C17orf50: variants seen among roughly 807,000 people sequenced by gnomAD.
The protein encoded by C17orf50 is plakoglobin binding and degradation factor, also known as uncharacterized protein C17orf50.
Under a neutral mutation model 17.7 loss-of-function variants are expected in C17orf50, and 16 were observed. The observed-to-expected ratio is 0.90, with a 90% confidence interval of 0.61 to 1.37. The LOEUF (loss-of-function observed/expected upper bound fraction) is 1.37, where lower values mean the gene tolerates loss of function less well. Among genes scored for constraint, C17orf50 ranks in the 40% most tolerant of loss-of-function variants. The pLI is 0.00. For missense variants in C17orf50, 271 were observed against 240.7 expected, an observed-to-expected ratio of 1.13 and a Z score of -0.83; for synonymous variants, 125 against 111.0, an observed-to-expected ratio of 1.13 and a Z score of -0.80.
chr17:35,761,041 A>C, intron 1 of C17orf50, 87 bp downstream of exon 1: 1 of 1,434,624 alleles, frequency 7.0e-7, no homozygotes, highest in Non-Finnish European at 9.3e-7. Flanking sequence ...CATGAAGTCC[A>C]ACCTTTTCTC....
chr17:35,761,794 C>T (rs1299741493), intron 1 of C17orf50, among the ~76,000 whole-genome samples: 1 of 152,170 alleles, frequency 6.6e-6, no homozygotes, highest in East Asian at 1.9e-4. Flanking sequence ...CATAGCGCAG[C>T]ACTCAATGTC....
chr17:35,761,078 C>T, intron 1 of C17orf50, 124 bp downstream of exon 1: 1 of 1,073,004 alleles, frequency 9.3e-7, no homozygotes, highest in Non-Finnish European at 1.3e-6. Flanking sequence ...AGCTGCAAGC[C>T]CTCTCCTTTC....
Position 35,764,187 on chromosome 17 carries a change from G to T in C17orf50, c.194G>T (p.Arg65Leu), listed in dbSNP as rs2085885080. ...RVAEEGEGRE[R>L]RSVSYCPLRQ... is the part of the protein sequence containing the mutation. The stretch of plus-strand genomic sequence containing the variant: ...GCGGAGGAGGGCGAAGGCCGCGAGC[G>T]GCGCTCAGTGTCCTACTGCCCGCTG... The change falls in exon 2 of 3, where the codon CGG (arginine) becomes CTG (leucine). Residue 65 changes from arginine to leucine, a missense_variant. Transcript: ENST00000605587. The T allele has an allele frequency of 6.5e-7, 1 of 1,548,124 alleles. No homozygotes were observed. Among genetic ancestry groups the T allele is most frequent in the African/African-American group, 1.4e-5 (1 of 73,082 alleles).
At chr17:35,762,056 T>C (rs1454557109) in intron 1 of C17orf50, among the ~76,000 whole-genome samples, 1 of 152,174 alleles carries the variant, frequency 6.6e-6, no homozygotes, top group Non-Finnish European at 1.5e-5. Flanking sequence ...AGTGGCGTGA[T>C]CTCGGTAAAC....
chr17:35,764,767 A>C lies in C17orf50; in HGVS notation c.*149A>C, dbSNP rs1555602517. The stretch of plus-strand genomic sequence containing the variant: ...CTGCCCAGAGCGCCCCCATCCGTCA[A>C]GAAGGCCCACTGTTGGTGCTTGGTT... On this transcript the variant is annotated 3_prime_UTR_variant, in exon 3 of 3. Coordinates refer to ENST00000605587, the MANE Select transcript of C17orf50 (RefSeq NM_145272.4). 1 of 846,084 alleles carries C rather than the reference A, an allele frequency of 1.2e-6. No homozygotes were observed. The highest frequency in any genetic ancestry group is 1.7e-6 in the Non-Finnish European group (1 of 584,948). 52.4% of individuals were successfully genotyped at this position (846,084 alleles called of 1,614,324 possible).
At position 35,764,686 on chromosome 17, in the gene C17orf50, T is replaced by G; in HGVS notation, c.*68T>G. 1 of 1,468,942 alleles carries G rather than the reference T, an allele frequency of 6.8e-7. No individual in the cohort carries two copies. Among genetic ancestry groups the G allele is most frequent in the Admixed American group, 2.9e-5 (1 of 35,058 alleles). 91.0% of individuals were successfully genotyped at this position (1,468,942 alleles called of 1,614,324 possible). On this transcript the variant is annotated 3_prime_UTR_variant, in exon 3 of 3. Transcript: ENST00000605587. ...CCCCAGACCCCCTACCGACCTTCTC[T>G]CTTGGAGCGCGGAGCCCTCTTCGAC...
intron 1 of C17orf50, among the ~76,000 whole-genome samples, chr17:35,761,563 G>A (rs1188161146): frequency 6.6e-6 from 1 of 152,104 alleles, no homozygotes; most frequent in East Asian, 1.9e-4. Context: ...ACAGGTGTGA[G>A]CCACCACATC....
intron 1 of C17orf50, among the ~76,000 whole-genome samples, chr17:35,762,945 A>G (rs1442913864): frequency 6.6e-6 from 1 of 152,042 alleles, no homozygotes; most frequent in African/African-American, 2.4e-5. Context: ...ACATGGTGAA[A>G]CCTGGTCTCT....
At position 35,764,671 on chromosome 17, in the gene C17orf50, C is replaced by G; in HGVS notation, c.*53C>G. 15 of 1,502,298 alleles carry G rather than the reference C, an allele frequency of 1.0e-5. No individual in the cohort carries two copies. The highest frequency in any genetic ancestry group is 2.6e-5 in the Admixed American group (1 of 38,644). 93.1% of individuals were successfully genotyped at this position (1,502,298 alleles called of 1,614,324 possible). The stretch of plus-strand genomic sequence containing the variant: ...TCCATCATTTCCTGGCCCCAGACCC[C>G]CTACCGACCTTCTCTCTTGGAGCGC... On this transcript the variant is annotated 3_prime_UTR_variant, in exon 3 of 3. Coordinates refer to ENST00000605587, the MANE Select transcript of C17orf50 (RefSeq NM_145272.4).
At chr17:35,763,214 G>T (rs2085859458) in intron 1 of C17orf50, among the ~76,000 whole-genome samples, 1 of 151,968 alleles carries the variant, frequency 6.6e-6, no homozygotes, top group Non-Finnish European at 1.5e-5. Context: ...CAGGAGGGCT[G>T]CTTGAAGCCA....
chr17:35,761,051 C>A, intron 1 of C17orf50, 97 bp downstream of exon 1: 2 of 1,330,342 alleles, frequency 1.5e-6, no homozygotes, highest in Non-Finnish European at 2.0e-6. Flanking sequence ...AACCTTTTCT[C>A]AGTTACCCAT....
rs1555602348 is a variant in C17orf50 at position 35,764,465 on chromosome 17, C to T, written c.372C>T (p.Ile124=). Residue 124 remains isoleucine (I), a synonymous_variant, in exon 3 of 3, where the codon ATC becomes ATT. Transcript: ENST00000605587. ...CGGAGGAGCCGTGCGTGCTGGAGAT[C>T]CGGCGACGACCGCCGCGCCGCGGGG... ...SLPEEPCVLE[I]RRRPPRRGGC... The T allele has an allele frequency of 1.3e-6, 2 of 1,559,348 alleles. No homozygotes were observed. The highest frequency in any genetic ancestry group is 1.2e-5 in the South Asian group (1 of 84,600).
chr17:35,761,034 G>A, intron 1 of C17orf50, 80 bp downstream of exon 1: 1 of 1,473,576 alleles, frequency 6.8e-7, no homozygotes, highest in Non-Finnish European at 9.1e-7. Context: ...CCATCACCAT[G>A]AAGTCCAACC....
At position 35,764,522 on chromosome 17, in the gene C17orf50, G is replaced by C. The variant is rs2085896269; in HGVS notation, c.429G>C (p.Lys143Asn). Residue 143 changes from lysine to asparagine, a missense_variant, in exon 3 of 3, where the codon AAG becomes AAC. Physicochemically the swap from Lys to Asn is moderately conservative, Grantham distance 94 (BLOSUM62 0). Transcript: ENST00000605587. ...CTTGCTGCGAGCTCCTCTTCTGCAA[G>C]AAATGCAGGAGTCTGCACAGCCACC... ...GCACCELLFC[K>N]KCRSLHSHPA... is the part of the protein sequence containing the mutation. 2 of 1,598,846 alleles carry C rather than the reference G, an allele frequency of 1.3e-6. No individual in the cohort carries two copies. The highest frequency in any genetic ancestry group is 1.7e-6 in the Non-Finnish European group (2 of 1,175,316).
At chr17:35,761,837 C>G (rs587646892) in intron 1 of C17orf50, among the ~76,000 whole-genome samples, 8 of 152,294 alleles carry the variant, frequency 5.3e-5, no homozygotes, top group Admixed American at 4.6e-4. Flanking sequence ...TTTCCTCCTC[C>G]CCTTCCTCTT....
chr17:35,764,358 G>T (rs2085891070), intron 2 of C17orf50, 33 bp downstream of exon 2: 1 of 1,454,230 alleles, frequency 6.9e-7, no homozygotes, highest in Non-Finnish European at 9.0e-7. Context: ...GGGCACGAGG[G>T]AGGCGGTGCC....
chr17:35,761,420 T>C (rs1408325759), intron 1 of C17orf50, among the ~76,000 whole-genome samples: 2 of 134,278 alleles, frequency 1.5e-5, no homozygotes, highest in African/African-American at 2.7e-5. Context: ...CTGTTTTTTG[T>C]TTTTTTTTTT....
intron 1 of C17orf50, 134 bp downstream of exon 1, chr17:35,761,088 C>T (rs587752520): frequency 2.3e-5 from 20 of 868,272 alleles, no homozygotes; most frequent in African/African-American, 1.4e-4. Flanking sequence ...CCTCTCCTTT[C>T]GCCTTCCTGA....
rs782645614 is a variant in C17orf50, at chr17:35,763,931, AATAAATAC to A, written c.14-73_14-66del. On this transcript the variant is annotated intron_variant, in intron 1 of 2. Transcript: ENST00000605587. ...AAATAAATAAATAAATAAATAAATA[AATAAATAC>A]ATGAAAAATTATTCTGGACCCTTTC... 3.2e-5 allele frequency: 33 copies of A among 1,042,318 alleles called. 1 individual carries two copies. The highest frequency in any genetic ancestry group is 5.0e-6 in the Non-Finnish European group (4 of 802,448). The allele number at this position is 1,042,318 out of a possible 1,614,324, so 64.6% of individuals were successfully genotyped here. A position where few individuals can be genotyped will look rare whatever the true frequency, so the allele number is the denominator to read the frequency against.
Sources: gnomAD v4.1 joint callset for allele counts (sites outside exome capture counted in the v4.1 genomes callset) on GRCh38, gnomAD v4.1.1 for gene constraint, MANE v1.5 for transcripts, NCBI Gene and HGNC (gene_info 2026-07-23, HGNC 2026-07-21) for gene names.